MACROD2: variants seen among roughly 807,000 people sequenced by gnomAD.
MACROD2 encodes the protein ADP-ribose glycohydrolase MACROD2.
A neutral mutation model predicts 70.4 loss-of-function variants in MACROD2; 36 were observed. The ratio of observed to expected loss-of-function variants is 0.51; its 90% CI spans 0.39 to 0.68. MACROD2 has a LOEUF of 0.68. Among genes scored for constraint, MACROD2 ranks in the 30% least tolerant of loss-of-function variants. The pLI is 0.00. For synonymous variants in MACROD2, 172 were observed against 178.8 expected (o/e 0.96, Z 0.30); for missense variants, 496 against 538.4 (o/e 0.92, Z 0.78).
chr20:15,877,469 GAAC>G (rs145449393), intron 9 of MACROD2, among the ~76,000 whole-genome samples: 2,322 of 151,866 alleles, frequency 0.015, 59 homozygotes, highest in African/African-American at 0.053. Flanking sequence ...TTTTTTAAAA[GAAC>G]AACAAAATTT....
At chr20:16,014,713 C>T (rs7509422) in intron 15 of MACROD2, among the ~76,000 whole-genome samples, 44,873 of 152,116 alleles carry the variant, frequency 0.29, 7,427 homozygotes, top group South Asian at 0.4. Flanking sequence ...ATACACCTGA[C>T]CTTCCTTCCA....
chr20:14,194,050 G>A (rs958698959), intron 3 of MACROD2, among the ~76,000 whole-genome samples: 5 of 152,176 alleles, frequency 3.3e-5, no homozygotes. Context: ...GGGGTTCTGA[G>A]CTCCAGGTCA....
Position 15,866,131 on chromosome 20 carries a change from C to G in MACROD2, c.727+3305C>G, listed in dbSNP as rs1047620690. Among the ~76,000 whole-genome samples the G allele has an allele frequency of 4.6e-5, 7 of 152,138 alleles. 1 individual carries two copies. The South Asian group carries it at 1.0e-3, about 23-fold the overall frequency. On this transcript the variant is annotated intron_variant, in intron 9 of 17. Coordinates refer to ENST00000684519, the MANE Select transcript of MACROD2 (RefSeq NM_001351661.2). The stretch of plus-strand genomic sequence containing the variant: ...GTCAGGCCTAAGAATGGAGGCTGGC[C>G]AGGCACAGTGGCTCATGCCTGTAGA...
chr20:15,362,844 A>T (rs887641948), intron 6 of MACROD2, among the ~76,000 whole-genome samples: 7 of 152,066 alleles, frequency 4.6e-5, no homozygotes, highest in Non-Finnish European at 8.8e-5. Context: ...TGTTGAATAT[A>T]TAGGAAAAAA....
chr20:14,395,354 C>T (rs1043743610), intron 3 of MACROD2, among the ~76,000 whole-genome samples: 1 of 151,972 alleles, frequency 6.6e-6, no homozygotes, highest in Non-Finnish European at 1.5e-5. Context: ...TTGTCCAGTT[C>T]ATCTAATTTG....
At chr20:15,316,397 C>T (rs2146160774) in intron 6 of MACROD2, among the ~76,000 whole-genome samples, 1 of 151,986 alleles carries the variant, frequency 6.6e-6, no homozygotes, top group East Asian at 1.9e-4. Flanking sequence ...CAGGGTGGCT[C>T]TACTAATATC....
intron 6 of MACROD2, among the ~76,000 whole-genome samples, chr20:15,376,392 C>T (rs556970621): frequency 1.5e-4 from 23 of 152,252 alleles, no homozygotes; most frequent in African/African-American, 5.3e-4. Flanking sequence ...GAAGGACAGA[C>T]CTCAATATCT....
chr20:15,786,774 T>C (rs1465554702), intron 8 of MACROD2, among the ~76,000 whole-genome samples: 1 of 152,112 alleles, frequency 6.6e-6, no homozygotes, highest in Non-Finnish European at 1.5e-5. Context: ...AATACATATA[T>C]TTAAATTTAG....
chr20:14,567,585 A>T (rs1979895676), intron 4 of MACROD2, among the ~76,000 whole-genome samples: 1 of 151,832 alleles, frequency 6.6e-6, no homozygotes, highest in African/African-American at 2.4e-5. Flanking sequence ...TTGGCTGGGT[A>T]TTTTTTCTAA....
intron 10 of MACROD2, among the ~76,000 whole-genome samples, chr20:15,912,785 T>G (rs191779265): frequency 8.5e-5 from 13 of 152,360 alleles, no homozygotes; most frequent in Admixed American, 4.6e-4. Context: ...TAGTGATGAT[T>G]TGACATTGAA....
intron 4 of MACROD2, among the ~76,000 whole-genome samples, chr20:14,519,257 A>G (rs762242559): frequency 4.6e-5 from 7 of 152,124 alleles, no homozygotes; most frequent in Non-Finnish European, 7.4e-5. Flanking sequence ...CATTGATTTT[A>G]TGAAGTATAT....
chr20:14,076,141 T>C (rs1449848809), intron 2 of MACROD2, among the ~76,000 whole-genome samples: 1 of 152,216 alleles, frequency 6.6e-6, no homozygotes, highest in Non-Finnish European at 1.5e-5. Context: ...AGCTGTAAGA[T>C]CTGTTTGCGG....
At chr20:15,005,307 A>C (rs1283706093) in intron 5 of MACROD2, among the ~76,000 whole-genome samples, 2 of 152,198 alleles carry the variant, frequency 1.3e-5, no homozygotes, top group East Asian at 3.9e-4. Context: ...GTAATAATAC[A>C]GTAATGATTA....
intron 5 of MACROD2, among the ~76,000 whole-genome samples, chr20:14,953,025 A>T (rs2074487851): frequency 6.6e-6 from 1 of 152,120 alleles, no homozygotes; most frequent in Admixed American, 6.6e-5. Context: ...TTACAAGGAG[A>T]AGACACAGTA....
chr20:15,174,614 C>G (rs561917004), intron 5 of MACROD2, among the ~76,000 whole-genome samples: 87 of 152,150 alleles, frequency 5.7e-4, no homozygotes, highest in African/African-American at 2.1e-3. Flanking sequence ...GTTTACAGTC[C>G]CACCAACAGT....
In MACROD2 at chr20:14,649,786, C is replaced by T. The variant is rs534571046; in HGVS notation, c.302-35057C>T. On this transcript the variant is annotated intron_variant, in intron 4 of 17. Coordinates refer to ENST00000684519, the MANE Select transcript of MACROD2 (RefSeq NM_001351661.2). ...TGTGCTGGTTGTCAGATAAGAATACCGAGGCTAATACCAGGGCCCTCCCTT... is the reference window on the plus strand; with the variant it reads ...TGTGCTGGTTGTCAGATAAGAATACTGAGGCTAATACCAGGGCCCTCCCTT... Among the ~76,000 whole-genome samples the T allele has an allele frequency of 3.9e-5, 6 of 152,148 alleles. No individual in the cohort carries two copies. In the South Asian group the frequency reaches 8.3e-4, roughly 21 times the overall value.
chr20:14,639,941 C>G (rs574721298), intron 4 of MACROD2, among the ~76,000 whole-genome samples: 1 of 152,080 alleles, frequency 6.6e-6, no homozygotes. Flanking sequence ...AATTATAAAT[C>G]GTTCTCAACT....
chr20:15,472,308 C>T (rs542286187), intron 7 of MACROD2, among the ~76,000 whole-genome samples: 2 of 152,196 alleles, frequency 1.3e-5, no homozygotes, highest in South Asian at 4.1e-4. Flanking sequence ...GTGCTCTTTC[C>T]TAGCTAATCT....
intron 7 of MACROD2, among the ~76,000 whole-genome samples, chr20:15,435,700 A>G (rs1286013494): frequency 6.6e-6 from 1 of 152,210 alleles, no homozygotes; most frequent in Non-Finnish European, 1.5e-5. Flanking sequence ...GACAGTAAGA[A>G]CTAACTAAAA....
Sources: allele counts gnomAD v4.1 joint callset (sites outside exome capture counted in the v4.1 genomes callset), GRCh38; gene constraint gnomAD v4.1.1; transcripts MANE v1.5; gene names NCBI Gene and HGNC (gene_info 2026-07-23, HGNC 2026-07-21).